SP140L: variants seen among roughly 807,000 people sequenced by gnomAD.
SP140L encodes the protein SP140 like nuclear body protein.
In SP140L, 64 loss-of-function variants were observed where a neutral mutation model predicts 84.3. The observed-to-expected ratio is 0.76, with a 90% CI of 0.62 to 0.94. SP140L has a LOEUF of 0.94. Among genes scored for constraint, SP140L ranks in the 40% least tolerant of loss-of-function variants. SP140L has a pLI of 0.00. For missense variants in SP140L, 628 were observed against 692.5 expected (o/e 0.91, Z 1.05); for synonymous variants, 242 against 236.9 (o/e 1.02, Z -0.20).
At chr2:230,340,460 G>T (rs1388580962) in intron 2 of SP140L, among the ~76,000 whole-genome samples, 1 of 148,876 alleles carries the variant, frequency 6.7e-6, no homozygotes, top group African/African-American at 2.5e-5. Context: ...GCCAGTCTGT[G>T]TCTTTTACTT....
At chr2:230,393,924 A>G (rs2061936761) in intron 13 of SP140L, among the ~76,000 whole-genome samples, 1 of 152,272 alleles carries the variant, frequency 6.6e-6, no homozygotes, top group African/African-American at 2.4e-5. Flanking sequence ...GACATGTATG[A>G]AACCATATAT....
At chr2:230,353,153 GC>G (rs1372351772) in intron 2 of SP140L, among the ~76,000 whole-genome samples, 3 of 151,772 alleles carry the variant, frequency 2.0e-5, no homozygotes, top group Non-Finnish European at 2.9e-5. Context: ...CAATCTCATT[GC>G]CATTACCTTT....
At chr2:230,339,239 C>T (rs1472663504) in intron 2 of SP140L, among the ~76,000 whole-genome samples, 1 of 152,038 alleles carries the variant, frequency 6.6e-6, no homozygotes, top group African/African-American at 2.4e-5. Context: ...GTGTATGTGT[C>T]CAGGAATTTA....
chr2:230,388,539 T>G lies in SP140L; in HGVS notation c.785-20T>G. The G allele has an allele frequency of 6.3e-7, 1 of 1,590,484 alleles. No homozygotes were observed. The highest frequency in any genetic ancestry group is 8.5e-7 in the Non-Finnish European group (1 of 1,170,168). Reference sequence around the variant, plus strand: ...CAGCTGCTCATTTGTAACTGTGATTTTATTATTCTACTTTCTCAGGGAGAA... The same window carrying G: ...CAGCTGCTCATTTGTAACTGTGATTGTATTATTCTACTTTCTCAGGGAGAA... On this transcript the variant is annotated intron_variant, in intron 9 of 18. Transcript: ENST00000415673.
rs2060591445 is a variant in SP140L, at chr2:230,357,741, T to C, written c.108-64T>C. ...AGCTTATCCGTTATACATAAAATCT[T>C]ACCATCTCCACAAACATCTCAGAAT... On this transcript the variant is annotated intron_variant, in intron 2 of 18. Transcript: ENST00000415673. The C allele has an allele frequency of 2.0e-6, 3 of 1,520,106 alleles. No homozygotes were observed. In the African/African-American group the frequency reaches 4.2e-5, roughly 21 times the overall value. 94.2% of individuals were successfully genotyped at this position (1,520,106 alleles called of 1,614,324 possible). A position where few individuals can be genotyped will look rare whatever the true frequency, so the allele number is the denominator to read the frequency against.
chr2:230,331,926 G>T (rs374694474), intron 2 of SP140L, among the ~76,000 whole-genome samples: 1 of 151,902 alleles, frequency 6.6e-6, no homozygotes, highest in Non-Finnish European at 1.5e-5. Context: ...AATTTATACC[G>T]TGTATTTTTC....
rs187506442 is a variant in SP140L at position 230,366,683 on chromosome 2, T to A, written c.524-4225T>A. ...CCTACTACAACTATTTTGTTCATTG[T>A]TTTCTGGTTGTTTTGTGGATTATTA... On this transcript the variant is annotated intron_variant, in intron 5 of 18. Coordinates refer to ENST00000415673, the MANE Select transcript of SP140L (RefSeq NM_138402.6). Among the ~76,000 whole-genome samples, 459 of 138,382 alleles carry A rather than the reference T, an allele frequency of 3.3e-3. 10 individuals are homozygous for A. The highest frequency in any genetic ancestry group is 0.033 in the South Asian group (138 of 4,190). 90.8% of individuals were successfully genotyped at this position (138,382 alleles called of 152,430 possible).
At chr2:230,387,930 TTTACTA>T (rs1295578379) in intron 9 of SP140L, among the ~76,000 whole-genome samples, 2 of 152,162 alleles carry the variant, frequency 1.3e-5, no homozygotes, top group African/African-American at 4.8e-5. Flanking sequence ...CCTGGTCACA[TTTACTA>T]TTACTTTCAG....
intron 7 of SP140L, among the ~76,000 whole-genome samples, chr2:230,374,847 G>C (rs1289305091): frequency 6.6e-5 from 10 of 152,284 alleles, no homozygotes; most frequent in Middle Eastern, 3.4e-3. Context: ...ATAGACTACA[G>C]TATAGTATAA....
intron 5 of SP140L, among the ~76,000 whole-genome samples, chr2:230,370,440 A>T (rs1447337204): frequency 6.6e-6 from 1 of 152,218 alleles, no homozygotes; most frequent in Non-Finnish European, 1.5e-5. Context: ...TACTAACATA[A>T]TGACTTTAGG....
chr2:230,372,806 G>A (rs1000828133), intron 7 of SP140L: 2 of 151,896 alleles, frequency 1.3e-5, no homozygotes, highest in Non-Finnish European at 2.9e-5. Flanking sequence ...GTTTAGTGAG[G>A]AAGCTATGTC....
At chr2:230,354,234 G>C (rs1427250504) in intron 2 of SP140L, among the ~76,000 whole-genome samples, 1 of 152,024 alleles carries the variant, frequency 6.6e-6, no homozygotes, top group East Asian at 1.9e-4. Context: ...CATAAGAGAA[G>C]ACTTTGGAAA....
chr2:230,361,567 G>T (rs1268440943), intron 4 of SP140L, 47 bp from the exon 5 acceptor site: 1 of 1,449,546 alleles, frequency 6.9e-7, no homozygotes, highest in South Asian at 1.2e-5. Flanking sequence ...TGTTGTCCCT[G>T]GTTCTCACAG....
intron 18 of SP140L, 139 bp from the exon 19 acceptor site, chr2:230,402,659 C>A: frequency 1.5e-6 from 1 of 664,534 alleles, no homozygotes; most frequent in Non-Finnish European, 2.6e-6. Flanking sequence ...CTTTGTACTC[C>A]AAAATACATA....
At position 230,400,127 on chromosome 2, in the gene SP140L, A is replaced by T. The variant is rs746160796; in HGVS notation, c.1198A>T (p.Met400Leu). The T allele has an allele frequency of 1.2e-6, 2 of 1,614,016 alleles. No individual in the cohort carries two copies. Among genetic ancestry groups the T allele is most frequent in the Non-Finnish European group, 1.7e-6 (2 of 1,179,974 alleles). The change falls in exon 15 of 19, where the codon ATG becomes TTG. Residue 400 changes from methionine to leucine, a missense_variant and splice_region_variant. By Grantham distance (15) the Met-to-Leu change is conservative. This residue lies in a region of SP140L where 525 missense variants were observed against 518.4 expected (regional missense o/e 1.01). Transcript: ENST00000415673. The part of the protein sequence containing the change: ...SQNNSSVDPC[M>L]RNLDECEVCR... Reference sequence around the variant, plus strand: ...ACGTGGACACTGTTTTACCTTCTAGATGAGAAACTTGGATGAGTGTGAGGT... The same window carrying T: ...ACGTGGACACTGTTTTACCTTCTAGTTGAGAAACTTGGATGAGTGTGAGGT...
chr2:230,403,027 A>G lies in SP140L; in HGVS notation c.*131A>G, dbSNP rs1224271975. On this transcript the variant is annotated 3_prime_UTR_variant, in exon 19 of 19. Coordinates refer to ENST00000415673, the MANE Select transcript of SP140L (RefSeq NM_138402.6). ...CTGAGCCTCCCTCATCTGCCCAAAAACAAATCCTCAAAAGAAATTTGATCA... is the reference window on the plus strand; with the variant it reads ...CTGAGCCTCCCTCATCTGCCCAAAAGCAAATCCTCAAAAGAAATTTGATCA... The G allele has an allele frequency of 4.5e-6, 3 of 663,938 alleles. No homozygotes were observed. Among genetic ancestry groups the G allele is most frequent in the South Asian group, 2.1e-5 (1 of 47,258 alleles). The allele number at this position is 663,938 out of a possible 1,614,324, so 41.1% of individuals were successfully genotyped here.
intron 2 of SP140L, among the ~76,000 whole-genome samples, chr2:230,330,951 T>C (rs2059709998): frequency 6.6e-6 from 1 of 152,190 alleles, no homozygotes; most frequent in Non-Finnish European, 1.5e-5. Context: ...CACCAGTCCA[T>C]GAGTCACTGA....
At chr2:230,389,668 A>G (rs539215574) in intron 10 of SP140L, among the ~76,000 whole-genome samples, 4 of 152,294 alleles carry the variant, frequency 2.6e-5, no homozygotes, top group East Asian at 3.9e-4. Context: ...TGGAAGTTAA[A>G]ACAGTTTTAC....
intron 12 of SP140L, among the ~76,000 whole-genome samples, chr2:230,393,196 G>A (rs1373260336): frequency 6.6e-6 from 1 of 152,204 alleles, no homozygotes; most frequent in Non-Finnish European, 1.5e-5. Context: ...AGAAGCACAA[G>A]AGAAGGGAAA....
Sources: gnomAD v4.1 joint callset for allele counts (sites outside exome capture counted in the v4.1 genomes callset) on GRCh38, gnomAD v4.1.1 for gene constraint, gnomAD v4.1.1 regional missense constraint, MANE v1.5 for transcripts, NCBI Gene and HGNC (gene_info 2026-07-23, HGNC 2026-07-21) for gene names.